DYSF: variants seen among roughly 807,000 people sequenced by gnomAD.
The protein encoded by DYSF is dysferlin.
In DYSF, 212 loss-of-function variants were observed where a neutral mutation model predicts 274.9. That is an observed-to-expected ratio of 0.77 (90% CI 0.69 to 0.86). The LOEUF is 0.86. DYSF is among the 40% of genes least tolerant of loss of function. DYSF has a pLI of 0.00. For synonymous variants in DYSF, 1,091 were observed against 1,078.7 expected (o/e 1.01, Z -0.22); for missense variants, 2,666 against 2,783.2 (o/e 0.96, Z 0.95).
chr2:71,631,670 T>C (rs2094315093), intron 41 of DYSF, among the ~76,000 whole-genome samples: 1 of 152,106 alleles, frequency 6.6e-6, no homozygotes, highest in Non-Finnish European at 1.5e-5. Flanking sequence ...AGTAATTGGT[T>C]ATTTGCTGTG....
rs1343983523 is a variant in DYSF at position 71,612,750 on chromosome 2, A to C, written c.4331A>C (p.Glu1444Ala). 1 of 1,614,042 alleles carries C rather than the reference A, an allele frequency of 6.2e-7. No homozygotes were observed. Among genetic ancestry groups the C allele is most frequent in the Non-Finnish European group, 8.5e-7 (1 of 1,180,010 alleles). Reference protein sequence around the residue: ...VVGQCTIRSLESFLCDPYSAE... With the variant: ...VVGQCTIRSLASFLCDPYSAE... ...GGCCAGTGTACCATCCGCTCCCTGG[A>C]GAGCTTCCTGTGTGACCCCTACTCG... Residue 1444 changes from glutamate to alanine, a missense_variant, in exon 39 of 56, where the codon GAG becomes GCG. Transcript: ENST00000410020.
At chr2:71,483,723 G>A (rs1422204177) in intron 3 of DYSF, among the ~76,000 whole-genome samples, 2 of 152,154 alleles carry the variant, frequency 1.3e-5, no homozygotes, top group African/African-American at 2.4e-5. Context: ...AACTGTCACC[G>A]TTACAGATGG....
chr2:71,473,857 C>A (rs1490793819), intron 1 of DYSF, among the ~76,000 whole-genome samples: 1 of 151,838 alleles, frequency 6.6e-6, no homozygotes, highest in African/African-American at 2.4e-5. Context: ...ACCCATTGAA[C>A]ACTAACTCCC....
chr2:71,546,940 C>A (rs1037667890), intron 17 of DYSF, among the ~76,000 whole-genome samples: 1 of 152,212 alleles, frequency 6.6e-6, no homozygotes, highest in Non-Finnish European at 1.5e-5. Context: ...ACTTGTGGCT[C>A]ACTGGGCTGG....
chr2:71,655,914 T>C (rs1351223165), intron 42 of DYSF, among the ~76,000 whole-genome samples: 1 of 135,672 alleles, frequency 7.4e-6, no homozygotes. Flanking sequence ...TCTGTCCATC[T>C]CCTCCTCTGT....
intron 3 of DYSF, among the ~76,000 whole-genome samples, chr2:71,486,729 G>A (rs182424358): frequency 1.1e-4 from 17 of 152,280 alleles, no homozygotes; most frequent in Admixed American, 2.6e-4. Context: ...GGGATGGATC[G>A]ACTTTATCTG....
intron 41 of DYSF, among the ~76,000 whole-genome samples, chr2:71,623,241 T>A (rs149725308): frequency 0.024 from 3,596 of 151,904 alleles, 144 homozygotes; most frequent in African/African-American, 0.082. Context: ...TAGTTACATA[T>A]GTATACATGT....
chr2:71,527,176 A>T (rs2088027414), intron 13 of DYSF, among the ~76,000 whole-genome samples: 1 of 152,168 alleles, frequency 6.6e-6, no homozygotes, highest in Non-Finnish European at 1.5e-5. Flanking sequence ...CAGCATTGGT[A>T]GGGTTTAAAG....
At chr2:71,475,392 G>A (rs1398160912) in intron 1 of DYSF, among the ~76,000 whole-genome samples, 1 of 152,214 alleles carries the variant, frequency 6.6e-6, no homozygotes, top group Non-Finnish European at 1.5e-5. Context: ...AGTAAGGCAT[G>A]GTGTTTGCCG....
intron 32 of DYSF, among the ~76,000 whole-genome samples, chr2:71,596,525 A>G (rs1023457980): frequency 6.6e-6 from 1 of 152,108 alleles, no homozygotes; most frequent in Non-Finnish European, 1.5e-5. Context: ...AGCTGATGGT[A>G]TCACAGCCAG....
intron 40 of DYSF, among the ~76,000 whole-genome samples, chr2:71,618,413 G>GCA (rs2093984304): frequency 2.8e-5 from 1 of 36,344 alleles, no homozygotes; most frequent in Non-Finnish European, 5.7e-5. Context: ...GGTAGAGGTG[G>GCA]TGTGTGTGTG....
At chr2:71,669,346 C>T in intron 50 of DYSF, 139 bp downstream of exon 50, 1 of 915,904 alleles carries the variant, frequency 1.1e-6, no homozygotes, top group Non-Finnish European at 1.7e-6. Flanking sequence ...GGGGGTGGTC[C>T]CTGCCTTTGG....
intron 1 of DYSF, among the ~76,000 whole-genome samples, chr2:71,475,012 A>G (rs1255572011): frequency 6.6e-6 from 1 of 152,104 alleles, no homozygotes; most frequent in Non-Finnish European, 1.5e-5. Flanking sequence ...TTTTATTATG[A>G]TCCACTGATT....
At chr2:71,664,460 G>GC in intron 46 of DYSF, 22 bp downstream of exon 46, 44 of 1,613,320 alleles carry the variant, frequency 2.7e-5, no homozygotes, top group Non-Finnish European at 3.7e-5. Context: ...GGGGCTGGCT[G>GC]CCTGCTTCTC....
At position 71,673,555 on chromosome 2, in the gene DYSF, G is replaced by A. The variant is rs7604764; in HGVS notation, c.5785-642G>A. The stretch of plus-strand genomic sequence containing the variant: ...ATTCCAGTGCCAGCTCCTTACAGCA[G>A]CGTGCTGGGAGATCCTTCTATGACA... On this transcript the variant is annotated intron_variant, in intron 51 of 55. Coordinates refer to ENST00000410020, the MANE Select transcript of DYSF (RefSeq NM_001130987.2). Among the ~76,000 whole-genome samples, 85,712 of 151,860 alleles carry A rather than the reference G, an allele frequency of 0.56. 24,700 individuals carry two copies. Among genetic ancestry groups the A allele is most frequent in the Middle Eastern group, 0.64 (189 of 294 alleles).
chr2:71,543,117 G>T lies in DYSF; in HGVS notation c.1576+3878G>T, dbSNP rs1393350682. 1.9e-3 allele frequency among the ~76,000 whole-genome samples: 291 copies of T among 150,596 alleles called. 3 individuals are homozygous for T. Among genetic ancestry groups the T allele is most frequent in the African/African-American group, 6.8e-3 (280 of 40,972 alleles). ...CTCACTTCCAGACGGGGCGGCTGCC[G>T]GGCGGAGGGGCTCCTCACTTCCCAG... is the stretch of plus-strand genomic sequence containing the variant. On this transcript the variant is annotated intron_variant, in intron 17 of 55. Transcript: ENST00000410020.
chr2:71,681,065 A>G lies in DYSF; in HGVS notation c.6128A>G (p.Gln2043Arg). 3 of 1,614,236 alleles carry G rather than the reference A, an allele frequency of 1.9e-6. No homozygotes were observed. The highest frequency in any genetic ancestry group is 2.5e-6 in the Non-Finnish European group (3 of 1,180,052). ...GAGCATGAGGAGCGGCCTGCTGGCC[A>G]GGGCCGGGATGAGCCCAACATGAAC... ...ESEHEERPAG[Q>R]GRDEPNMNPK... Residue 2043 changes from glutamine to arginine, a missense_variant, in exon 54 of 56, where the codon CAG becomes CGG. This residue lies in a region of DYSF where 1,460 missense variants were observed against 1,502.1 expected (regional missense o/e 0.97). Coordinates refer to ENST00000410020, the MANE Select transcript of DYSF (RefSeq NM_001130987.2).
At chr2:71,569,025 A>G (rs987279677) in intron 26 of DYSF, among the ~76,000 whole-genome samples, 3 of 152,072 alleles carry the variant, frequency 2.0e-5, no homozygotes, top group Non-Finnish European at 2.9e-5. Context: ...GCTGCCTGCC[A>G]CTACGCCCAG....
chr2:71,454,839 T>C lies in DYSF; in HGVS notation c.88+753T>C, dbSNP rs192243429. The stretch of plus-strand genomic sequence containing the variant: ...ATGACTTGACTTTTCCTCCAGGAGC[T>C]GAGGGCTGGGCCCTGGCTGCTCTCC... On this transcript the variant is annotated intron_variant, in intron 1 of 54. Coordinates refer to the DYSF transcript ENST00000258104. Among the ~76,000 whole-genome samples the C allele has an allele frequency of 1.6e-4, 25 of 152,224 alleles. No homozygotes were observed. In the East Asian group the frequency reaches 4.6e-3, roughly 28 times the overall value.
Sources: allele counts gnomAD v4.1 joint callset (sites outside exome capture counted in the v4.1 genomes callset), GRCh38; gene constraint gnomAD v4.1.1; regional missense constraint gnomAD v4.1.1; transcripts MANE v1.5; gene names NCBI Gene and HGNC (gene_info 2026-07-23, HGNC 2026-07-21).